Variants in ACBD7 observed in about 807,000 individuals in gnomAD.
ACBD7 encodes acyl-CoA binding domain containing 7.
Under a neutral mutation model 13.7 loss-of-function variants are expected in ACBD7, and 11 were observed. The ratio of observed to expected loss-of-function variants is 0.80; its 90% CI spans 0.50 to 1.33. The LOEUF is 1.33. Among genes scored for constraint, ACBD7 ranks in the 40% most tolerant of loss-of-function variants. ACBD7 has a pLI of 0.00. For missense variants in ACBD7, 111 were observed against 103.0 expected (o/e 1.08, Z -0.33); for synonymous variants, 43 against 37.7 (o/e 1.14, Z -0.51).
chr10:15,078,157 A>G lies in ACBD7; in HGVS notation c.*373T>C, dbSNP rs1192954806. 2 of 236,194 alleles carry G rather than the reference A, an allele frequency of 8.5e-6. No homozygotes were observed. Among genetic ancestry groups the G allele is most frequent in the East Asian group, 2.2e-4 (2 of 9,008 alleles). 14.6% of individuals were successfully genotyped at this position (236,194 alleles called of 1,614,324 possible). A position where few individuals can be genotyped will look rare whatever the true frequency, so the allele number is the denominator to read the frequency against. The stretch of plus-strand genomic sequence containing the variant: ...CCCTTCCCTGTGTCCATGTGTTCTC[A>G]TTGTTCAACTCCCACTTATGAGTGA... On this transcript the variant is annotated 3_prime_UTR_variant, in exon 4 of 4. Coordinates refer to ENST00000356189, the MANE Select transcript of ACBD7 (RefSeq NM_001039844.3).
At chr10:15,083,999 A>G (rs189853940) in intron 1 of ACBD7, among the ~76,000 whole-genome samples, 168 of 152,306 alleles carry the variant, frequency 1.1e-3, no homozygotes, top group African/African-American at 3.8e-3. Flanking sequence ...CTTGCTGCAA[A>G]TAAGGTGCAG....
At chr10:15,080,756 C>T (rs1180337037) in intron 1 of ACBD7, among the ~76,000 whole-genome samples, 1 of 152,154 alleles carries the variant, frequency 6.6e-6, no homozygotes, top group African/African-American at 2.4e-5. Context: ...TTCCCAGGAT[C>T]TTTATCCTTT....
rs543510224 is a variant in ACBD7, at chr10:15,079,735, C to T, written c.13-695G>A. Among the ~76,000 whole-genome samples, 5 of 151,820 alleles carry T rather than the reference C, an allele frequency of 3.3e-5. No individual in the cohort carries two copies. The East Asian group carries it at 5.8e-4, about 18-fold the overall frequency. On this transcript the variant is annotated intron_variant, in intron 1 of 3. Transcript: ENST00000356189. The stretch of plus-strand genomic sequence containing the variant: ...CTGGGATTATAGGCACCTGCCACCG[C>T]GCCTGGCTAAGTTTTGTATTTTTAG...
chr10:15,081,701 C>T (rs888886851), intron 1 of ACBD7, among the ~76,000 whole-genome samples: 2 of 152,192 alleles, frequency 1.3e-5, no homozygotes, highest in Non-Finnish European at 2.9e-5. Flanking sequence ...AGCAGCCGGG[C>T]TCTCAGCTTG....
chr10:15,084,943 T>C (rs1050859642), intron 1 of ACBD7, among the ~76,000 whole-genome samples: 1 of 152,192 alleles, frequency 6.6e-6, no homozygotes, highest in Admixed American at 6.5e-5. Context: ...GGGTTTTGAT[T>C]TAGTTCTACA....
In ACBD7 at chr10:15,076,823, C is replaced by A. The variant is rs1844687619; in HGVS notation, c.*1707G>T. 8 of 985,194 alleles carry A rather than the reference C, an allele frequency of 8.1e-6. No individual in the cohort carries two copies. The highest frequency in any genetic ancestry group is 1.1e-4 in the East Asian group (1 of 8,822). 61.0% of individuals were successfully genotyped at this position (985,194 alleles called of 1,614,324 possible). ...CAGCCTTGCCATTGATTCTTAATAA[C>A]CTGTTTTTATTTCACCAGTAACATT... On this transcript the variant is annotated 3_prime_UTR_variant, in exon 4 of 4. Transcript: ENST00000356189.
chr10:15,080,450 C>T (rs145948949), intron 1 of ACBD7, among the ~76,000 whole-genome samples: 2,961 of 152,032 alleles, frequency 0.019, 99 homozygotes, highest in African/African-American at 0.067. Flanking sequence ...CTTGGTGGTG[C>T]GTGCCTGTAA....
intron 1 of ACBD7, chr10:15,088,508 G>T: frequency 6.0e-6 from 4 of 662,776 alleles, no homozygotes; most frequent in Non-Finnish European, 9.4e-6. Context: ...GGCCCCTGGG[G>T]TCCGGAAGGG....
chr10:15,086,534 AT>A (rs1844811079), intron 1 of ACBD7, among the ~76,000 whole-genome samples: 1 of 152,226 alleles, frequency 6.6e-6, no homozygotes, highest in South Asian at 2.1e-4. Context: ...TAGAAAGAAC[AT>A]TTTGATCATT....
At chr10:15,086,467 A>C (rs1844810297) in intron 1 of ACBD7, among the ~76,000 whole-genome samples, 1 of 152,262 alleles carries the variant, frequency 6.6e-6, no homozygotes, top group Non-Finnish European at 1.5e-5. Context: ...AGCAAACAAC[A>C]ACAGAAAACC....
In ACBD7 at chr10:15,076,752, C is replaced by G; in HGVS notation, c.*1778G>C. Reference sequence around the variant, plus strand: ...CTTCTGACCTCAGTAATCCACCTACCTCGGCCTCCCAAAGTGCTGAGATTA... The same window carrying G: ...CTTCTGACCTCAGTAATCCACCTACGTCGGCCTCCCAAAGTGCTGAGATTA... On this transcript the variant is annotated 3_prime_UTR_variant, in exon 4 of 4. Transcript: ENST00000356189. 1.0e-6 allele frequency: 1 copy of G among 974,874 alleles called. No individual in the cohort carries two copies. The highest frequency in any genetic ancestry group is 1.2e-6 in the Non-Finnish European group (1 of 820,322). The allele number at this position is 974,874 out of a possible 1,614,324, so 60.4% of individuals were successfully genotyped here.
Position 15,076,868 on chromosome 10 carries a change from G to C in ACBD7, c.*1662C>G. 1 of 985,382 alleles carries C rather than the reference G, an allele frequency of 1.0e-6. No individual in the cohort carries two copies. Among genetic ancestry groups the C allele is most frequent in the Non-Finnish European group, 1.2e-6 (1 of 829,934 alleles). The allele number at this position is 985,382 out of a possible 1,614,324, so 61.0% of individuals were successfully genotyped here. Reference sequence around the variant, plus strand: ...AACATTAACTTATTGTAACAGAACAGATGAGCCAAAAGAACAAACAGCTGT... The same window carrying C: ...AACATTAACTTATTGTAACAGAACACATGAGCCAAAAGAACAAACAGCTGT... On this transcript the variant is annotated 3_prime_UTR_variant, in exon 4 of 4. Coordinates refer to ENST00000356189, the MANE Select transcript of ACBD7 (RefSeq NM_001039844.3).
intron 1 of ACBD7, among the ~76,000 whole-genome samples, chr10:15,082,500 C>T (rs998954010): frequency 2.0e-5 from 3 of 152,100 alleles, no homozygotes; most frequent in Non-Finnish European, 4.4e-5. Flanking sequence ...TTTTTGTACT[C>T]TCCAAATCTT....
chr10:15,087,920 GGAGGTTGCAGTGAGCA>G (rs1303037333), intron 1 of ACBD7, among the ~76,000 whole-genome samples: 19 of 152,124 alleles, frequency 1.2e-4, no homozygotes, highest in African/African-American at 2.2e-4. Flanking sequence ...CCTGGGAGGT[GGAGGTTGCAGTGAGCA>G]GAGGTTGCAG....
chr10:15,082,692 C>T (rs115536848), intron 1 of ACBD7, among the ~76,000 whole-genome samples: 1,752 of 152,192 alleles, frequency 0.012, 34 homozygotes, highest in African/African-American at 0.04. Context: ...GACAGCAACT[C>T]GACTCCTTTT....
chr10:15,086,095 G>T (rs1258587848), intron 1 of ACBD7, among the ~76,000 whole-genome samples: 1 of 151,820 alleles, frequency 6.6e-6, no homozygotes, highest in East Asian at 1.9e-4. Context: ...ATCACTTGAG[G>T]TCAGGAGTTC....
In ACBD7 at chr10:15,077,350, A is replaced by G. The variant is rs1260212732; in HGVS notation, c.*1180T>C. 1.3e-5 allele frequency among the ~76,000 whole-genome samples: 2 copies of G among 152,116 alleles called. No homozygotes were observed. Among genetic ancestry groups the G allele is most frequent in the Non-Finnish European group, 2.9e-5 (2 of 68,028 alleles). Reference sequence around the variant, plus strand: ...ACAACTCAGAAAAAAATAAGAAAATAAAGATTTTTAAAGAACCCTCAGAAA... The same window carrying G: ...ACAACTCAGAAAAAAATAAGAAAATGAAGATTTTTAAAGAACCCTCAGAAA... On this transcript the variant is annotated 3_prime_UTR_variant, in exon 4 of 4. Coordinates refer to ENST00000356189, the MANE Select transcript of ACBD7 (RefSeq NM_001039844.3).
chr10:15,086,139 C>T lies in ACBD7; in HGVS notation c.12+2578G>A, dbSNP rs1844805712. Reference sequence around the variant, plus strand: ...CCTGGCCAACATGGTGAAACCCTGTCTCTACTAAAAATACAAAAATTAGCC... The same window carrying T: ...CCTGGCCAACATGGTGAAACCCTGTTTCTACTAAAAATACAAAAATTAGCC... On this transcript the variant is annotated intron_variant, in intron 1 of 3. Coordinates refer to ENST00000356189, the MANE Select transcript of ACBD7 (RefSeq NM_001039844.3). Among the ~76,000 whole-genome samples, 3 of 151,964 alleles carry T rather than the reference C, an allele frequency of 2.0e-5. No individual in the cohort carries two copies. The South Asian group carries it at 6.2e-4, about 32-fold the overall frequency.
Position 15,076,578 on chromosome 10 carries a change from C to T in ACBD7, c.*1952G>A, listed in dbSNP as rs1294082213. ...AGTGCAGTGGTGTGATCTTGGCTCA[C>T]TGCAACCTCCATCTCCTGGGTAAAA... is the stretch of plus-strand genomic sequence containing the variant. On this transcript the variant is annotated 3_prime_UTR_variant, in exon 4 of 4. Coordinates refer to ENST00000356189, the MANE Select transcript of ACBD7 (RefSeq NM_001039844.3). 11 of 719,402 alleles carry T rather than the reference C, an allele frequency of 1.5e-5. No individual in the cohort carries two copies. The highest frequency in any genetic ancestry group is 1.9e-5 in the Non-Finnish European group (11 of 588,784). 44.6% of individuals were successfully genotyped at this position (719,402 alleles called of 1,614,324 possible). A position where few individuals can be genotyped will look rare whatever the true frequency, so the allele number is the denominator to read the frequency against.
Sources: gnomAD v4.1 joint callset for allele counts (sites outside exome capture counted in the v4.1 genomes callset) on GRCh38, gnomAD v4.1.1 for gene constraint, MANE v1.5 for transcripts, NCBI Gene and HGNC (gene_info 2026-07-23, HGNC 2026-07-21) for gene names.